Variants in SENP6 observed in about 807,000 individuals in gnomAD.
SENP6 encodes sentrin-specific protease 6.
In SENP6, 41 loss-of-function variants were observed where a neutral mutation model predicts 134.5. That is an observed-to-expected ratio of 0.30 (90% confidence interval 0.24 to 0.40). The LOEUF (loss-of-function observed/expected upper bound fraction) is 0.40. Ranked by LOEUF, SENP6 falls within the 10% of genes least tolerant of loss-of-function variation. The probability of loss-of-function intolerance (pLI) is 1.00; values close to 1 mark genes in which losing one functional copy is unlikely to be tolerated. For synonymous variants in SENP6, 395 were observed against 429.8 expected, an observed-to-expected ratio of 0.92 and a Z score of 1.00; for missense variants, 1,248 against 1,312.5, an observed-to-expected ratio of 0.95 and a Z score of 0.76.
At chr6:75,629,654 C>T (rs1341063463) in intron 3 of SENP6, among the ~76,000 whole-genome samples, 1 of 152,162 alleles carries the variant, frequency 6.6e-6, no homozygotes, top group Non-Finnish European at 1.5e-5. Context: ...GCTTGATAAT[C>T]CTTCAGAAGA....
intron 7 of SENP6, among the ~76,000 whole-genome samples, chr6:75,656,471 C>T (rs1007888094): frequency 6.6e-6 from 1 of 152,144 alleles, no homozygotes; most frequent in Non-Finnish European, 1.5e-5. Flanking sequence ...TTCCACAGGC[C>T]ACTTACTAAG....
At chr6:75,644,358 A>G (rs1464722841) in intron 6 of SENP6, among the ~76,000 whole-genome samples, 1 of 152,168 alleles carries the variant, frequency 6.6e-6, no homozygotes, top group African/African-American at 2.4e-5. Flanking sequence ...CTCTCTAAAT[A>G]CTGAAAAACA....
chr6:75,647,895 G>T, intron 7 of SENP6, 94 bp downstream of exon 7: 1 of 906,750 alleles, frequency 1.1e-6, no homozygotes, highest in Non-Finnish European at 1.7e-6. Flanking sequence ...AATATTCCCA[G>T]GTATAATAGA....
chr6:75,715,312 C>A, intron 23 of SENP6, 73 bp from the exon 24 acceptor site: 2 of 1,142,826 alleles, frequency 1.8e-6, no homozygotes, highest in Non-Finnish European at 2.6e-6. Context: ...TTTTTAACTT[C>A]GGAATGTTTC....
chr6:75,659,366 C>T lies in SENP6; in HGVS notation c.655C>T (p.Pro219Ser). The change falls in exon 8 of 24, where the codon CCT (proline) becomes TCT (serine). Residue 219 changes from proline to serine, a missense_variant. Coordinates refer to ENST00000447266, the MANE Select transcript of SENP6 (RefSeq NM_015571.4). ...RHCSTYQPTPPLSPASKKCLT... is the reference protein window; with the variant it reads ...RHCSTYQPTPSLSPASKKCLT... ...CTGTAGTACCTATCAGCCTACTCCT[C>T]CTCTATCTCCTGCTTCAAAAAAATG... 1.9e-6 allele frequency: 3 copies of T among 1,610,568 alleles called. No individual in the cohort carries two copies. The highest frequency in any genetic ancestry group is 2.5e-6 in the Non-Finnish European group (3 of 1,177,982).
intron 19 of SENP6, among the ~76,000 whole-genome samples, chr6:75,707,185 T>C (rs1408465073): frequency 6.6e-6 from 1 of 152,166 alleles, no homozygotes; most frequent in African/African-American, 2.4e-5. Context: ...ACATAGATAA[T>C]GATTTGCTGC....
chr6:75,704,840 G>A (rs917167368), intron 19 of SENP6, among the ~76,000 whole-genome samples: 16 of 152,170 alleles, frequency 1.1e-4, no homozygotes, highest in African/African-American at 3.6e-4. Flanking sequence ...CTTTTACCGA[G>A]CATACTGCTT....
intron 7 of SENP6, among the ~76,000 whole-genome samples, chr6:75,649,174 G>A (rs1770677251): frequency 6.6e-6 from 1 of 151,896 alleles, no homozygotes; most frequent in Non-Finnish European, 1.5e-5. Flanking sequence ...AATTAGCTGG[G>A]CATGATGGCA....
intron 4 of SENP6, 50 bp from the exon 5 acceptor site, chr6:75,634,657 G>T: frequency 1.0e-6 from 1 of 1,001,726 alleles, no homozygotes; most frequent in Non-Finnish European, 1.5e-6. Context: ...TTATAAATGT[G>T]TATATAATTT....
chr6:75,639,683 T>G (rs1280077737), intron 5 of SENP6, among the ~76,000 whole-genome samples: 1 of 152,138 alleles, frequency 6.6e-6, no homozygotes, highest in Non-Finnish European at 1.5e-5. Flanking sequence ...TTTTGGAGTT[T>G]TCATGAACTA....
At chr6:75,654,010 G>T (rs941979182) in intron 7 of SENP6, among the ~76,000 whole-genome samples, 2 of 152,148 alleles carry the variant, frequency 1.3e-5, no homozygotes, top group African/African-American at 2.4e-5. Context: ...GATCACTTGA[G>T]CCCAGGCATT....
intron 7 of SENP6, among the ~76,000 whole-genome samples, chr6:75,652,885 A>G (rs937709286): frequency 1.3e-5 from 2 of 152,048 alleles, no homozygotes; most frequent in Admixed American, 6.5e-5. Flanking sequence ...TCTTACTTAC[A>G]TGATTAATGG....
intron 1 of SENP6, among the ~76,000 whole-genome samples, chr6:75,616,201 T>A (rs1767836124): frequency 6.6e-6 from 1 of 152,174 alleles, no homozygotes; most frequent in South Asian, 2.1e-4. Context: ...TCTCCTTAAT[T>A]TTCTAACTAG....
intron 9 of SENP6, among the ~76,000 whole-genome samples, chr6:75,666,267 AAT>A (rs1157613707): frequency 6.8e-6 from 1 of 147,324 alleles, no homozygotes; most frequent in African/African-American, 2.5e-5. Flanking sequence ...ATATATATAA[AAT>A]ATATATTATA....
At chr6:75,706,938 C>T (rs573171609) in intron 19 of SENP6, among the ~76,000 whole-genome samples, 22 of 152,292 alleles carry the variant, frequency 1.4e-4, no homozygotes, top group East Asian at 9.6e-4. Context: ...AAAATGTGTA[C>T]GCTTAAACTC....
At chr6:75,647,598 A>G (rs985177825) in intron 6 of SENP6, 133 bp from the exon 7 acceptor site, 8 of 477,012 alleles carry the variant, frequency 1.7e-5, no homozygotes, top group Non-Finnish European at 3.0e-5. Flanking sequence ...TTGTTATTTT[A>G]TAGTATCACT....
At chr6:75,641,020 A>T (rs1275021020) in intron 6 of SENP6, among the ~76,000 whole-genome samples, 1 of 152,078 alleles carries the variant, frequency 6.6e-6, no homozygotes, top group Non-Finnish European at 1.5e-5. Flanking sequence ...ATTATAGTTA[A>T]CCATATTCAC....
intron 1 of SENP6, 84 bp from the exon 2 acceptor site, chr6:75,621,444 TAATC>T (rs780392974): frequency 7.5e-6 from 6 of 795,458 alleles, no homozygotes; most frequent in Non-Finnish European, 1.2e-5. Context: ...AAATCTAGAA[TAATC>T]AAAGAGCTTG....
chr6:75,648,142 GT>G (rs1770599412), intron 7 of SENP6, among the ~76,000 whole-genome samples: 1 of 151,944 alleles, frequency 6.6e-6, no homozygotes, highest in Non-Finnish European at 1.5e-5. Flanking sequence ...CCACTTACTG[GT>G]TTTGCTTCTA....
Sources: allele counts gnomAD v4.1 joint callset (sites outside exome capture counted in the v4.1 genomes callset), GRCh38; gene constraint gnomAD v4.1.1; transcripts MANE v1.5; gene names NCBI Gene and HGNC (gene_info 2026-07-23, HGNC 2026-07-21).